PDE5A: variants seen among roughly 807,000 people sequenced by gnomAD.
PDE5A encodes the protein phosphodiesterase 5A.
Under a neutral mutation model 110.2 loss-of-function variants are expected in PDE5A, and 67 were observed. The ratio of observed to expected loss-of-function variants is 0.61; its 90% CI spans 0.50 to 0.75. The LOEUF (loss-of-function observed/expected upper bound fraction) is 0.75. Ranked by LOEUF, PDE5A falls within the 30% of genes least tolerant of loss-of-function variation. PDE5A has a pLI of 0.00. For synonymous variants in PDE5A, 328 were observed against 351.2 expected (o/e 0.93, Z 0.74); for missense variants, 862 against 1,045.1 (o/e 0.82, Z 2.42).
chr4:119,541,312 T>C (rs1346518318), intron 10 of PDE5A, among the ~76,000 whole-genome samples: 2 of 151,386 alleles, frequency 1.3e-5, no homozygotes, highest in Non-Finnish European at 2.9e-5. Context: ...TATATTTATA[T>C]ATTTTATAAT....
intron 3 of PDE5A, among the ~76,000 whole-genome samples, chr4:119,577,086 GAAGA>G (rs1278481289): frequency 6.6e-6 from 1 of 152,120 alleles, no homozygotes; most frequent in African/African-American, 2.4e-5. Context: ...AGAAAATCTA[GAAGA>G]AATGGATAAA....
chr4:119,602,242 C>G (rs1241810614), intron 2 of PDE5A, among the ~76,000 whole-genome samples: 2 of 151,990 alleles, frequency 1.3e-5, no homozygotes, highest in Non-Finnish European at 2.9e-5. Context: ...ATATCTTTAG[C>G]TTATTAAATC....
intron 12 of PDE5A, among the ~76,000 whole-genome samples, chr4:119,523,050 TAAAC>T (rs1392907230): frequency 2.6e-5 from 4 of 151,906 alleles, no homozygotes; most frequent in African/African-American, 9.7e-5. Flanking sequence ...AATAAGTAAA[TAAAC>T]ATAAAATTGA....
chr4:119,565,227 C>A (rs1727883016), intron 5 of PDE5A, 94 bp downstream of exon 5: 5 of 801,082 alleles, frequency 6.2e-6, no homozygotes, highest in Admixed American at 2.5e-5. Context: ...TCTGTACTAT[C>A]TAAATTTTTA....
At chr4:119,540,481 A>C (rs1025749545) in intron 10 of PDE5A, among the ~76,000 whole-genome samples, 12 of 68,400 alleles carry the variant, frequency 1.8e-4, no homozygotes, top group Non-Finnish European at 2.8e-4. Context: ...GTTGCTACTG[A>C]GACTACAGTG....
rs1730392791 is a variant in PDE5A at position 119,627,357 on chromosome 4, C to G, written c.152+1163G>C. The G allele has an allele frequency of 2.0e-6, 2 of 1,016,822 alleles. No individual in the cohort carries two copies. The highest frequency in any genetic ancestry group is 2.4e-6 in the Non-Finnish European group (2 of 846,094). The allele number at this position is 1,016,822 out of a possible 1,614,324, so 63.0% of individuals were successfully genotyped here. ...CGCTCGCCCCGCGCTGCGCCGCCCCCTGGCGGGGAGCGACCGGCAGAGCCG... is the reference window on the plus strand; with the variant it reads ...CGCTCGCCCCGCGCTGCGCCGCCCCGTGGCGGGGAGCGACCGGCAGAGCCG... On this transcript the variant is annotated intron_variant, in intron 1 of 20. Coordinates refer to ENST00000354960, the MANE Select transcript of PDE5A (RefSeq NM_001083.4). This position sits in a 1 kb window ranked among gnomAD's most constrained non-coding sequence, Gnocchi z 4.6.
chr4:119,604,954 G>A (rs1246172256), intron 2 of PDE5A, among the ~76,000 whole-genome samples: 2 of 152,042 alleles, frequency 1.3e-5, no homozygotes, highest in African/African-American at 4.8e-5. Context: ...TCCTTGTTAA[G>A]GTCCTTACTT....
chr4:119,606,193 T>C (rs562782697), intron 2 of PDE5A, among the ~76,000 whole-genome samples: 49 of 152,286 alleles, frequency 3.2e-4, no homozygotes, highest in African/African-American at 1.0e-3. Flanking sequence ...TCTGTAAGTT[T>C]ATCTGTTTAA....
rs953554496 is a variant in PDE5A, at chr4:119,498,043, G to C, written c.*558C>G. On this transcript the variant is annotated 3_prime_UTR_variant, in exon 21 of 21. Coordinates refer to ENST00000354960, the MANE Select transcript of PDE5A (RefSeq NM_001083.4). ...TTTTCTTTACAATACAGTTTCATAGGACTTTCCATTTGTTTCAGAGTGCCT... is the reference window on the plus strand; with the variant it reads ...TTTTCTTTACAATACAGTTTCATAGCACTTTCCATTTGTTTCAGAGTGCCT... 6.6e-6 allele frequency: 1 copy of C among 152,184 alleles called. No individual in the cohort carries two copies. Among genetic ancestry groups the C allele is most frequent in the Non-Finnish European group, 1.5e-5 (1 of 68,130 alleles). The allele number at this position is 152,184 out of a possible 1,614,324, so 9.4% of individuals were successfully genotyped here.
intron 14 of PDE5A, 40 bp downstream of exon 14, chr4:119,519,005 T>G (rs1442703613): frequency 6.9e-7 from 1 of 1,455,462 alleles, no homozygotes. Context: ...GCCCTACAAT[T>G]AAAAGAAAAC....
intron 3 of PDE5A, 117 bp from the exon 4 acceptor site, chr4:119,567,261 C>T (rs1388791858): frequency 2.3e-5 from 16 of 709,628 alleles, no homozygotes; most frequent in South Asian, 1.8e-5. Context: ...CACTAGTCTA[C>T]AAAACAAAAG....
intron 9 of PDE5A, among the ~76,000 whole-genome samples, chr4:119,544,510 A>G (rs2110488901): frequency 6.6e-6 from 1 of 152,318 alleles, no homozygotes; most frequent in South Asian, 2.1e-4. Flanking sequence ...AATCCCCAAA[A>G]TATAAATATG....
rs1032970274 is a variant in PDE5A, at chr4:119,502,644, A to G, written c.2343T>C (p.Leu781=). 1 of 1,601,910 alleles carries G rather than the reference A, an allele frequency of 6.2e-7. No individual in the cohort carries two copies. Among genetic ancestry groups the G allele is most frequent in the East Asian group, 2.2e-5 (1 of 44,706 alleles). The change falls in exon 19 of 21, where the codon CTT becomes CTC. Residue 781 remains leucine, a synonymous_variant. Coordinates refer to ENST00000354960, the MANE Select transcript of PDE5A (RefSeq NM_001083.4). ...PWPIQQRIAE[L]VATEFFDQGD... ...CTTGATCAAAAAATTCAGTTGCTAC[A>G]AGTTCTGCTATCTGAAATAAATAAC...
chr4:119,510,481 T>A (rs886915149), intron 15 of PDE5A, among the ~76,000 whole-genome samples: 1 of 152,068 alleles, frequency 6.6e-6, no homozygotes, highest in African/African-American at 2.4e-5. Flanking sequence ...AAACAAAGAT[T>A]AACAATTTCA....
At chr4:119,539,502 TCA>T (rs1345530593) in intron 10 of PDE5A, among the ~76,000 whole-genome samples, 1 of 152,060 alleles carries the variant, frequency 6.6e-6, no homozygotes, top group Non-Finnish European at 1.5e-5. Flanking sequence ...ATTCTAGAAT[TCA>T]CACAGAAAAA....
In PDE5A at chr4:119,494,721, G is replaced by C. The variant is rs757289473; in HGVS notation, c.*3880C>G. ...TATATTTGTTCAAATATATTGAAAAGGTATAAGAATACAAATAGATATTAA... is the reference window on the plus strand; with the variant it reads ...TATATTTGTTCAAATATATTGAAAACGTATAAGAATACAAATAGATATTAA... On this transcript the variant is annotated 3_prime_UTR_variant, in exon 21 of 21. Transcript: ENST00000354960. 3 of 152,414 alleles carry C rather than the reference G, an allele frequency of 2.0e-5. No homozygotes were observed. The highest frequency in any genetic ancestry group is 2.9e-5 in the Non-Finnish European group (2 of 67,988). 9.4% of individuals were successfully genotyped at this position (152,414 alleles called of 1,614,324 possible). A position where few individuals can be genotyped will look rare whatever the true frequency, so the allele number is the denominator to read the frequency against.
Position 119,542,544 on chromosome 4 carries a change from A to G in PDE5A, c.1487T>C (p.Val496Ala), listed in dbSNP as rs745618059. The G allele has an allele frequency of 6.2e-7, 1 of 1,614,070 alleles. No homozygotes were observed. Among genetic ancestry groups the G allele is most frequent in the South Asian group, 1.1e-5 (1 of 91,078 alleles). Reference protein sequence around the residue: ...RNDEQFLEAFVIFCGLGIQNT... With the variant: ...RNDEQFLEAFAIFCGLGIQNT... Reference sequence around the variant, plus strand: ...CTGGATCCCCAAGCCACAAAAGATGACAAAAGCTTCCAGAAACTGTTCGTC... The same window carrying G: ...CTGGATCCCCAAGCCACAAAAGATGGCAAAAGCTTCCAGAAACTGTTCGTC... The change falls in exon 10 of 21, where the codon GTC (valine) becomes GCC (alanine). Residue 496 changes from valine to alanine, a missense_variant. Val to Ala is a moderately conservative substitution (Grantham distance 64, BLOSUM62 0). Coordinates refer to ENST00000354960, the MANE Select transcript of PDE5A (RefSeq NM_001083.4).
intron 18 of PDE5A, among the ~76,000 whole-genome samples, chr4:119,503,218 A>G (rs762131689): frequency 3.3e-5 from 5 of 152,180 alleles, no homozygotes; most frequent in African/African-American, 4.8e-5. Context: ...CGGAGTCTTG[A>G]CCAACAGCAG....
chr4:119,553,245 T>C (rs778497887), intron 8 of PDE5A, among the ~76,000 whole-genome samples: 37 of 152,046 alleles, frequency 2.4e-4, no homozygotes, highest in Non-Finnish European at 5.0e-4. Context: ...CAGACATCCA[T>C]TTTCCCAGAG....
Sources: gnomAD v4.1 joint callset for allele counts (sites outside exome capture counted in the v4.1 genomes callset) on GRCh38, gnomAD v4.1.1 for gene constraint, Gnocchi (gnomAD v3.1) non-coding constraint, MANE v1.5 for transcripts, NCBI Gene and HGNC (gene_info 2026-07-23, HGNC 2026-07-21) for gene names.